Variants in AR observed in about 807,000 individuals in gnomAD.
The protein encoded by AR is dihydrotestosterone receptor.
Under a neutral mutation model 53.9 loss-of-function variants are expected in AR, and 8 were observed. That is an observed-to-expected ratio of 0.15 (90% CI 0.09 to 0.27). The LOEUF is 0.27. AR is among the 10% of genes least tolerant of loss of function. The probability of loss-of-function intolerance (pLI) is 1.00; values close to 1 mark genes in which losing one functional copy is unlikely to be tolerated. For missense variants in AR, 639 were observed against 742.5 expected (o/e 0.86, Z 1.62); for synonymous variants, 359 against 316.4 (o/e 1.13, Z -1.43).
intron 1 of AR, among the ~76,000 whole-genome samples, chrX:67,633,161 G>A (rs1218669494): frequency 8.9e-6 from 1 of 111,884 alleles, no homozygotes; most frequent in African/African-American, 3.3e-5. Context: ...TAGGTTCAGA[G>A]GTACATATGC....
intron 2 of AR, among the ~76,000 whole-genome samples, chrX:67,665,097 A>G (rs922094358): frequency 8.9e-6 from 1 of 112,844 alleles, no homozygotes; most frequent in African/African-American, 3.2e-5. Context: ...GCTTTGGCTC[A>G]TGCTCGGTGC....
At chrX:67,692,901 C>T (rs1394400295) in intron 3 of AR, among the ~76,000 whole-genome samples, 2 of 112,073 alleles carry the variant, frequency 1.8e-5, no homozygotes, top group Non-Finnish European at 1.9e-5. Flanking sequence ...CACTCCATGA[C>T]CTAAATCGTC....
At chrX:67,572,961 G>T (rs1042861040) in intron 1 of AR, among the ~76,000 whole-genome samples, 1 of 111,479 alleles carries the variant, frequency 9.0e-6, no homozygotes, top group East Asian at 2.8e-4. Flanking sequence ...GAATGACGTG[G>T]GTAAGAATCT....
In AR at chrX:67,728,783, C is replaced by G. The variant is rs893353008; in HGVS notation, c.*4942C>G. ...ATCAGTTAACTAAAAGTTTTCTCCC[C>G]TATTGGGTTTGACCCACAGGTCCTG... On this transcript the variant is annotated 3_prime_UTR_variant, in exon 8 of 8. Coordinates refer to ENST00000374690, the MANE Select transcript of AR (RefSeq NM_000044.6). The G allele has an allele frequency of 1.3e-5, 2 of 155,657 alleles. No individual in the cohort carries two copies. Among genetic ancestry groups the G allele is most frequent in the African/African-American group, 6.3e-5 (2 of 31,985 alleles). The allele number at this position is 155,657 out of a possible 1,213,427, so 12.8% of individuals were successfully genotyped here.
intron 1 of AR, among the ~76,000 whole-genome samples, chrX:67,597,100 T>G: frequency 8.9e-6 from 1 of 112,109 alleles, no homozygotes; most frequent in Middle Eastern, 4.2e-3. Context: ...TTTCTGGCAC[T>G]TCTCTTGAGC....
At chrX:67,673,568 G>C (rs1392746029) in intron 2 of AR, among the ~76,000 whole-genome samples, 1 of 107,382 alleles carries the variant, frequency 9.3e-6, no homozygotes, top group Non-Finnish European at 1.9e-5. Context: ...ATGCTGTTAA[G>C]AGACTCTGAG....
intron 1 of AR, chrX:67,568,848 G>A: frequency 8.6e-7 from 1 of 1,157,807 alleles, no homozygotes; most frequent in Non-Finnish European, 1.2e-6. Flanking sequence ...GGTGCTGCGA[G>A]CAGAGAGGGA....
intron 1 of AR, among the ~76,000 whole-genome samples, chrX:67,566,264 T>C (rs957723155): frequency 1.8e-5 from 2 of 111,818 alleles, no homozygotes; most frequent in Non-Finnish European, 3.8e-5. Context: ...TGCTGGATTC[T>C]GAGGCTACAA....
intron 1 of AR, among the ~76,000 whole-genome samples, chrX:67,552,973 A>G (rs1289716262): frequency 8.9e-6 from 1 of 111,825 alleles, no homozygotes; most frequent in East Asian, 2.8e-4. Context: ...ATTTTTTCAC[A>G]TTCTGTGAGT....
chrX:67,661,831 T>C (rs1267322264), intron 2 of AR, among the ~76,000 whole-genome samples: 1 of 111,712 alleles, frequency 9.0e-6, no homozygotes, highest in Non-Finnish European at 1.9e-5. Context: ...TGGACTTTTT[T>C]TGATTGGTAA....
At chrX:67,671,203 A>G (rs914693241) in intron 2 of AR, among the ~76,000 whole-genome samples, 5 of 112,029 alleles carry the variant, frequency 4.5e-5, no homozygotes, top group African/African-American at 1.6e-4. Flanking sequence ...GGTTGAACTA[A>G]TTTATGCTCC....
intron 1 of AR, among the ~76,000 whole-genome samples, chrX:67,610,676 T>A (rs1255509643): frequency 1.8e-5 from 2 of 112,206 alleles, no homozygotes; most frequent in Admixed American, 9.5e-5. Context: ...TCGGTATATA[T>A]AGATCTATAT....
intron 1 of AR, among the ~76,000 whole-genome samples, chrX:67,622,464 G>A (rs1924427068): frequency 8.9e-6 from 1 of 111,908 alleles, no homozygotes; most frequent in African/African-American, 3.3e-5. Flanking sequence ...AGTGGGATAC[G>A]CTGTTAAAAA....
intron 1 of AR, among the ~76,000 whole-genome samples, chrX:67,605,437 G>C (rs1278937095): frequency 8.9e-6 from 1 of 112,632 alleles, no homozygotes; most frequent in Non-Finnish European, 1.9e-5. Context: ...AGAGGACACA[G>C]TTGGCATTTC....
chrX:67,603,662 G>A (rs894464193), intron 1 of AR, among the ~76,000 whole-genome samples: 1 of 111,799 alleles, frequency 8.9e-6, no homozygotes, highest in Admixed American at 9.5e-5. Flanking sequence ...GTCATACAAG[G>A]CCTTGAATTT....
At position 67,680,579 on chromosome X, in the gene AR, A is replaced by C; in HGVS notation, c.1769-5431A>C. On this transcript the variant is annotated intron_variant, in intron 2 of 7. Transcript: ENST00000374690. ...GGTCCTGCATTAACACCATATATAT[A>C]AAGTGTGAGAAATACTACATTCTTC... 4 of 273,803 alleles carry C rather than the reference A, an allele frequency of 1.5e-5. No individual in the cohort carries two copies. In the South Asian group the frequency reaches 1.5e-4, roughly 10 times the overall value. The allele number at this position is 273,803 out of a possible 1,213,427, so 22.6% of individuals were successfully genotyped here.
rs760580125 is a variant in AR, at chrX:67,546,514, T to TGGAGGC, written c.1370_1371insAGGCGG (p.Gly472_Gly473dup). The TGGAGGC allele has an allele frequency of 5.3e-6, 3 of 565,995 alleles. No homozygotes were observed. Among genetic ancestry groups the TGGAGGC allele is most frequent in the Non-Finnish European group, 7.2e-6 (3 of 417,563 alleles). The allele number at this position is 565,995 out of a possible 1,213,427, so 46.6% of individuals were successfully genotyped here. A position where few individuals can be genotyped will look rare whatever the true frequency, so the allele number is the denominator to read the frequency against. On this transcript the variant is annotated inframe_insertion, in exon 1 of 8. Transcript: ENST00000374690. ...GACCGTGTGGTGGTGGTGGGGGTGGTGGCGGCGGCGGCGGCGGCGGCGGCG... is the reference window on the plus strand; with the variant it reads ...GACCGTGTGGTGGTGGTGGGGGTGGTGGAGGCGGCGGCGGCGGCGGCGGCGGCGGCG...
At chrX:67,607,618 G>A (rs1040928641) in intron 1 of AR, among the ~76,000 whole-genome samples, 1 of 112,145 alleles carries the variant, frequency 8.9e-6, no homozygotes, top group African/African-American at 3.2e-5. Flanking sequence ...GGGTTATTGT[G>A]AGCATCAAAT....
intron 3 of AR, among the ~76,000 whole-genome samples, chrX:67,702,849 C>T (rs1247056222): frequency 9.0e-6 from 1 of 111,610 alleles, no homozygotes; most frequent in Admixed American, 9.5e-5. Context: ...TTTGGGAGGC[C>T]GAGATGGGAG....
Sources: allele counts gnomAD v4.1 joint callset (sites outside exome capture counted in the v4.1 genomes callset), GRCh38; gene constraint gnomAD v4.1.1; transcripts MANE v1.5; gene names NCBI Gene and HGNC (gene_info 2026-07-23, HGNC 2026-07-21).